TMED3: variants seen among roughly 807,000 people sequenced by gnomAD.
The protein encoded by TMED3 is transmembrane p24 trafficking protein 3.
Under a neutral mutation model 15.0 loss-of-function variants are expected in TMED3, and 9 were observed. The observed-to-expected ratio is 0.60, with a 90% CI of 0.36 to 1.04. The LOEUF (loss-of-function observed/expected upper bound fraction) is 1.04, where lower values mean the gene tolerates loss of function less well. TMED3 is among the 50% of genes least tolerant of loss of function. The probability of loss-of-function intolerance (pLI) is 0.01; values close to 1 mark genes in which losing one functional copy is unlikely to be tolerated. For synonymous variants in TMED3, 117 were observed against 121.4 expected (o/e 0.96, Z 0.24); for missense variants, 267 against 278.9 (o/e 0.96, Z 0.30).
chr15:79,312,266 GA>G (rs1014553466), intron 1 of TMED3, among the ~76,000 whole-genome samples: 1 of 152,218 alleles, frequency 6.6e-6, no homozygotes, highest in African/African-American at 2.4e-5. Flanking sequence ...GGCACTGAAG[GA>G]AGCTTGCGCT....
intron 2 of TMED3, among the ~76,000 whole-genome samples, chr15:79,389,510 GA>G (rs1893670011): frequency 6.6e-6 from 1 of 152,146 alleles, no homozygotes; most frequent in Non-Finnish European, 1.5e-5. Flanking sequence ...AGTATAGTTT[GA>G]AATCAGGTAG....
chr15:79,346,744 A>G (rs2058872864), intron 2 of TMED3, among the ~76,000 whole-genome samples: 2 of 152,124 alleles, frequency 1.3e-5, no homozygotes, highest in South Asian at 4.1e-4. Context: ...ATGGCTAGCG[A>G]ATTCTCCCAG....
intron 2 of TMED3, among the ~76,000 whole-genome samples, chr15:79,388,307 G>T (rs1165335675): frequency 6.6e-6 from 1 of 151,996 alleles, no homozygotes; most frequent in African/African-American, 2.4e-5. Context: ...TATACTAAGA[G>T]CTTATCTTTA....
intron 2 of TMED3, chr15:79,411,390 A>G: frequency 1.4e-6 from 1 of 702,344 alleles, no homozygotes; most frequent in Middle Eastern, 2.3e-4. Context: ...TATCTTTTTG[A>G]ACAATGAAGA....
intron 2 of TMED3, among the ~76,000 whole-genome samples, chr15:79,350,966 A>G (rs1300614741): frequency 6.6e-6 from 1 of 152,108 alleles, no homozygotes; most frequent in African/African-American, 2.4e-5. Context: ...ATTAGAAGAG[A>G]TATGGGTTAT....
rs192251034 is a variant in TMED3, at chr15:79,389,987, G to T, written c.418-21413G>T. Among the ~76,000 whole-genome samples the T allele has an allele frequency of 3.3e-5, 5 of 152,260 alleles. No homozygotes were observed. In the East Asian group the frequency reaches 9.6e-4, roughly 29 times the overall value. ...CCTTTATCCATTCTAGGAACTTTCT[G>T]GAGGAGTCTTTAGGGTTTTCTAGGT... On this transcript the variant is annotated intron_variant, in intron 2 of 2. Transcript: ENST00000424155.
chr15:79,376,092 G>GTTTTTTTTTTT lies in TMED3; in HGVS notation c.418-35283_418-35273dup, dbSNP rs199728545. ...CTTACTTCATCTATTCTAGAGAAAGGTTTTTTTTTTTTTTTTTTTTTTTTT... is the reference window on the plus strand; with the variant it reads ...CTTACTTCATCTATTCTAGAGAAAGGTTTTTTTTTTTTTTTTTTTTTTTTTTTTTTTTTTTT... On this transcript the variant is annotated intron_variant, in intron 2 of 2. Coordinates refer to the TMED3 transcript ENST00000424155. Among the ~76,000 whole-genome samples the GTTTTTTTTTTT allele has an allele frequency of 1.8e-4, 20 of 112,072 alleles. 1 individual carries two copies. The highest frequency in any genetic ancestry group is 5.8e-4 in the African/African-American group (16 of 27,482). 73.5% of individuals were successfully genotyped at this position (112,072 alleles called of 152,430 possible).
intron 2 of TMED3, among the ~76,000 whole-genome samples, chr15:79,356,783 T>C (rs2058920995): frequency 6.6e-6 from 1 of 152,238 alleles, no homozygotes; most frequent in African/African-American, 2.4e-5. Context: ...AGCAGTGCTC[T>C]AAGATCTGTG....
intron 2 of TMED3, among the ~76,000 whole-genome samples, chr15:79,370,790 A>G (rs1893324578): frequency 6.6e-6 from 1 of 152,198 alleles, no homozygotes; most frequent in Non-Finnish European, 1.5e-5. Flanking sequence ...ATGTTGTTGT[A>G]GTCCTTTGGC....
chr15:79,330,340 G>A (rs12439527), intron 2 of TMED3, among the ~76,000 whole-genome samples: 27,434 of 152,036 alleles, frequency 0.18, 2,463 homozygotes, highest in Admixed American at 0.24. Flanking sequence ...GTAAAGTTGC[G>A]GGATGCAAAA....
chr15:79,394,855 C>T (rs1219474113), intron 2 of TMED3, among the ~76,000 whole-genome samples: 1 of 152,142 alleles, frequency 6.6e-6, no homozygotes, highest in Non-Finnish European at 1.5e-5. Flanking sequence ...TGTAATAGTA[C>T]CTAACACTAG....
intron 2 of TMED3, chr15:79,382,954 A>C (rs552586578): frequency 2.6e-6 from 4 of 1,535,406 alleles, no homozygotes; most frequent in Middle Eastern, 1.7e-4. Flanking sequence ...AACACGATTT[A>C]TTTCTTTTCC....
chr15:79,390,310 T>G (rs1417379386), intron 2 of TMED3, among the ~76,000 whole-genome samples: 2 of 152,198 alleles, frequency 1.3e-5, no homozygotes, highest in Non-Finnish European at 2.9e-5. Flanking sequence ...CAATGATGGA[T>G]TTTGTCAAAT....
intron 2 of TMED3, among the ~76,000 whole-genome samples, chr15:79,360,453 G>T (rs920742149): frequency 1.3e-5 from 2 of 152,188 alleles, no homozygotes; most frequent in Non-Finnish European, 2.9e-5. Flanking sequence ...GCATAAGAAA[G>T]ACTTGTTTTG....
intron 2 of TMED3, among the ~76,000 whole-genome samples, chr15:79,374,191 A>G (rs1649625719): frequency 6.6e-6 from 1 of 152,194 alleles, no homozygotes; most frequent in Non-Finnish European, 1.5e-5. Flanking sequence ...AAAATACTTC[A>G]GTTTCTTCCG....
downstream of TMED3, among the ~76,000 whole-genome samples, chr15:79,327,206 A>ACGGGG (rs2058790530): frequency 6.6e-6 from 1 of 152,168 alleles, no homozygotes; most frequent in African/African-American, 2.4e-5. Flanking sequence ...AAACATCCAA[A>ACGGGG]CTATAGTGGG....
intron 2 of TMED3, among the ~76,000 whole-genome samples, chr15:79,318,353 A>G (rs943538790): frequency 1.3e-5 from 2 of 152,198 alleles, no homozygotes; most frequent in African/African-American, 4.8e-5. Flanking sequence ...CCCTGGGCCT[A>G]GCACAGTGCC....
At chr15:79,361,523 G>A (rs945166913) in intron 2 of TMED3, among the ~76,000 whole-genome samples, 8 of 152,048 alleles carry the variant, frequency 5.3e-5, no homozygotes, top group Non-Finnish European at 1.2e-4. Context: ...AGGACGCAAA[G>A]GCATAGAATG....
intron 2 of TMED3, among the ~76,000 whole-genome samples, chr15:79,387,627 C>A (rs1023328118): frequency 9.9e-5 from 15 of 152,104 alleles, no homozygotes; most frequent in Non-Finnish European, 1.9e-4. Flanking sequence ...CACATACACA[C>A]ACACAAGTAT....
Sources: allele counts gnomAD v4.1 joint callset (sites outside exome capture counted in the v4.1 genomes callset), GRCh38; gene constraint gnomAD v4.1.1; transcripts MANE v1.5; gene names NCBI Gene and HGNC (gene_info 2026-07-23, HGNC 2026-07-21).